Variants in ADAMTS2 observed in about 807,000 individuals in gnomAD.
ADAMTS2 encodes A disintegrin and metalloproteinase with thrombospondin motifs 2.
A neutral mutation model predicts 123.0 loss-of-function variants in ADAMTS2; 50 were observed. The observed-to-expected ratio is 0.41, with a 90% CI of 0.32 to 0.51. The LOEUF is 0.51. ADAMTS2 is among the 20% of genes least tolerant of loss of function. The pLI is 0.35. For missense variants in ADAMTS2, 1,494 were observed against 1,705.2 expected (o/e 0.88, Z 2.18); for synonymous variants, 678 against 695.4 (o/e 0.98, Z 0.39).
chr5:179,284,115 G>A (rs1755930238), intron 2 of ADAMTS2, among the ~76,000 whole-genome samples: 1 of 151,222 alleles, frequency 6.6e-6, no homozygotes, highest in Non-Finnish European at 1.5e-5. Flanking sequence ...TGGATCACAA[G>A]GCCAGGAGTT....
intron 4 of ADAMTS2, among the ~76,000 whole-genome samples, chr5:179,190,734 T>C (rs554071193): frequency 6.6e-6 from 1 of 152,240 alleles, no homozygotes; most frequent in Non-Finnish European, 1.5e-5. Flanking sequence ...ACAGGCTGAA[T>C]GAAACTGTCA....
intron 2 of ADAMTS2, among the ~76,000 whole-genome samples, chr5:179,309,324 C>CCAGGTCA (rs1161877216): frequency 6.6e-6 from 1 of 152,188 alleles, no homozygotes; most frequent in Non-Finnish European, 1.5e-5. Context: ...TCTTCGGGAC[C>CCAGGTCA]CAGGTCACAG....
intron 10 of ADAMTS2, among the ~76,000 whole-genome samples, chr5:179,146,312 CT>C (rs1291957998): frequency 1.3e-5 from 2 of 152,168 alleles, no homozygotes; most frequent in African/African-American, 4.8e-5. Context: ...ATGATCAGTA[CT>C]TTAAAGAAGT....
intron 2 of ADAMTS2, among the ~76,000 whole-genome samples, chr5:179,280,300 G>A (rs921035674): frequency 6.6e-6 from 1 of 152,176 alleles, no homozygotes; most frequent in Non-Finnish European, 1.5e-5. Flanking sequence ...AGGGCAGGGT[G>A]GGGGGCGAGG....
At chr5:179,273,661 G>A (rs1766608739) in intron 2 of ADAMTS2, among the ~76,000 whole-genome samples, 1 of 151,970 alleles carries the variant, frequency 6.6e-6, no homozygotes, top group South Asian at 2.1e-4. Flanking sequence ...GTCTTGGATG[G>A]AACACATGCC....
intron 6 of ADAMTS2, among the ~76,000 whole-genome samples, chr5:179,156,510 C>T (rs1187722054): frequency 1.3e-5 from 2 of 152,070 alleles, no homozygotes; most frequent in African/African-American, 4.8e-5. Context: ...CAGGCACCCG[C>T]CACCATGCTC....
chr5:179,336,433 G>GTT (rs1757615926), intron 2 of ADAMTS2, among the ~76,000 whole-genome samples: 1 of 152,240 alleles, frequency 6.6e-6, no homozygotes, highest in African/African-American at 2.4e-5. Context: ...GCCGTGACAA[G>GTT]CGACGGCCAG....
At chr5:179,122,905 G>A in intron 19 of ADAMTS2, 132 bp from the exon 20 acceptor site, 1 of 1,421,666 alleles carries the variant, frequency 7.0e-7, no homozygotes, top group Non-Finnish European at 9.6e-7. Flanking sequence ...TGGGGAGAGT[G>A]GGGTTTCAGG....
chr5:179,138,406 C>T (rs977008816), intron 11 of ADAMTS2, among the ~76,000 whole-genome samples: 2 of 152,204 alleles, frequency 1.3e-5, no homozygotes, highest in Non-Finnish European at 2.9e-5. Context: ...ATGCTGAGGC[C>T]CCAGAGTCCC....
chr5:179,125,971 G>A (rs754971193), intron 18 of ADAMTS2, 27 bp downstream of exon 18: 75 of 1,613,024 alleles, frequency 4.6e-5, no homozygotes, highest in Admixed American at 2.0e-4. Context: ...GTCTCCTCTA[G>A]TGGGAGCCCG....
intron 11 of ADAMTS2, 117 bp downstream of exon 11, chr5:179,139,773 A>C (rs1763129565): frequency 5.4e-6 from 8 of 1,488,026 alleles, no homozygotes; most frequent in Non-Finnish European, 7.3e-6. Context: ...CCTGCCCTGC[A>C]CCTCTCCAGA....
rs1344251114 is a variant in ADAMTS2 at position 179,132,056 on chromosome 5, C to G, written c.2290+174G>C. Reference sequence around the variant, plus strand: ...CCTGGCCTCTCCACAAGGGGAGGACCCTGGGAAAGGGCCCAGGTGGGCTGA... The same window carrying G: ...CCTGGCCTCTCCACAAGGGGAGGACGCTGGGAAAGGGCCCAGGTGGGCTGA... On this transcript the variant is annotated intron_variant, in intron 15 of 21. Transcript: ENST00000251582. This position sits in a 1 kb window ranked among gnomAD's most constrained non-coding sequence, Gnocchi z 6.1. 6.6e-6 allele frequency among the ~76,000 whole-genome samples: 1 copy of G among 152,206 alleles called. No homozygotes were observed. Among genetic ancestry groups the G allele is most frequent in the Non-Finnish European group, 1.5e-5 (1 of 68,044 alleles).
intron 5 of ADAMTS2, among the ~76,000 whole-genome samples, chr5:179,166,801 CG>C (rs568892087): frequency 3.3e-5 from 5 of 152,286 alleles, no homozygotes; most frequent in Non-Finnish European, 7.4e-5. Flanking sequence ...TTGCTGGGCC[CG>C]AGTCTGTGCC....
chr5:179,164,073 C>T (rs1042492961), intron 5 of ADAMTS2, among the ~76,000 whole-genome samples: 1 of 152,194 alleles, frequency 6.6e-6, no homozygotes, highest in Non-Finnish European at 1.5e-5. Context: ...GAGAGGGTTA[C>T]CTCAGTGTCC....
In ADAMTS2 at chr5:179,262,135, T is replaced by G. The variant is rs1441583142; in HGVS notation, c.688+10776A>C. On this transcript the variant is annotated intron_variant, in intron 3 of 21. Coordinates refer to ENST00000251582, the MANE Select transcript of ADAMTS2 (RefSeq NM_014244.5). This position sits in a 1 kb window ranked among gnomAD's most constrained non-coding sequence, Gnocchi z 5.9. ...GAAGCGGGCAGCTGTGGAGTCAGAG[T>G]GATGGGTGCCAATTCTGACTCCTGC... is the stretch of plus-strand genomic sequence containing the variant. Among the ~76,000 whole-genome samples, 1 of 151,746 alleles carries G rather than the reference T, an allele frequency of 6.6e-6. No homozygotes were observed. Among genetic ancestry groups the G allele is most frequent in the African/African-American group, 2.4e-5 (1 of 41,248 alleles).
Position 179,274,540 on chromosome 5 carries a change from C to A in ADAMTS2, c.535-1476G>T, listed in dbSNP as rs185441938. Among the ~76,000 whole-genome samples the A allele has an allele frequency of 4.3e-4, 66 of 152,290 alleles. 1 individual carries two copies. Among genetic ancestry groups the A allele is most frequent in the African/African-American group, 1.5e-3 (64 of 41,562 alleles). On this transcript the variant is annotated intron_variant, in intron 2 of 21. Coordinates refer to ENST00000251582, the MANE Select transcript of ADAMTS2 (RefSeq NM_014244.5). ...CCATCTGGATGTGCGGAAACCACAC[C>A]CCCCCCAAAGTAACCTCATGATGGC...
At position 179,121,718 on chromosome 5, in the gene ADAMTS2, C is replaced by T. The variant is rs778184902; in HGVS notation, c.3121G>A (p.Val1041Ile). The stretch of plus-strand genomic sequence containing the variant: ...TCCGGGCGGGACAGCCACTGAACTA[C>T]GTAGCTCTTCTTGGAGGGATCTGAG... ...NISDPSKKSY[V>I]VQWLSRPDPD... Residue 1041 changes from valine to isoleucine, a missense_variant, in exon 21 of 22, where the codon GTA becomes ATA. Coordinates refer to ENST00000251582, the MANE Select transcript of ADAMTS2 (RefSeq NM_014244.5). 7 of 1,591,882 alleles carry T rather than the reference C, an allele frequency of 4.4e-6. No homozygotes were observed. Among genetic ancestry groups the T allele is most frequent in the Non-Finnish European group, 6.0e-6 (7 of 1,168,944 alleles).
At chr5:179,223,494 TCA>T (rs1331061081) in intron 3 of ADAMTS2, among the ~76,000 whole-genome samples, 3 of 100,810 alleles carry the variant, frequency 3.0e-5, no homozygotes, top group Admixed American at 2.0e-4. Flanking sequence ...GGACTCACAC[TCA>T]CATGCACACT....
chr5:179,267,059 CT>C (rs1471142989), intron 3 of ADAMTS2, among the ~76,000 whole-genome samples: 3 of 152,200 alleles, frequency 2.0e-5, no homozygotes, highest in Non-Finnish European at 4.4e-5. Flanking sequence ...CCACAGCTCT[CT>C]GCCTCCAGCC....
Sources: gnomAD v4.1 joint callset for allele counts (sites outside exome capture counted in the v4.1 genomes callset) on GRCh38, gnomAD v4.1.1 for gene constraint, Gnocchi (gnomAD v3.1) non-coding constraint, MANE v1.5 for transcripts, NCBI Gene and HGNC (gene_info 2026-07-23, HGNC 2026-07-21) for gene names.